KCTD9: variants seen among roughly 807,000 people sequenced by gnomAD.
The protein encoded by KCTD9 is BTB/POZ domain-containing protein KCTD9.
A neutral mutation model predicts 53.3 loss-of-function variants in KCTD9; 17 were observed. The observed-to-expected ratio is 0.32, with a 90% confidence interval of 0.22 to 0.48. The LOEUF is 0.48. Among genes scored for constraint, KCTD9 ranks in the 20% least tolerant of loss-of-function variants. The pLI, the probability that KCTD9 is intolerant of heterozygous loss-of-function variation, is 0.99. For missense variants in KCTD9, 179 were observed against 465.5 expected (o/e 0.38, Z 5.66); for synonymous variants, 128 against 162.7 (o/e 0.79, Z 1.62).
chr8:25,444,358 A>T, intron 2 of KCTD9, 23 bp from the exon 3 acceptor site: 1 of 1,602,662 alleles, frequency 6.2e-7, no homozygotes, highest in Non-Finnish European at 8.5e-7. Context: ...AAATTTAAAA[A>T]GCTACCATCA....
intron 9 of KCTD9, 45 bp downstream of exon 9, chr8:25,435,318 A>G (rs1278893035): frequency 2.8e-6 from 4 of 1,426,882 alleles, no homozygotes; most frequent in East Asian, 5.0e-5. Context: ...ACTGTTCAAT[A>G]GACTAAACAT....
intron 1 of KCTD9, among the ~76,000 whole-genome samples, chr8:25,456,756 A>G (rs1802442673): frequency 6.6e-6 from 1 of 152,216 alleles, no homozygotes; most frequent in African/African-American, 2.4e-5. Context: ...ATTTTTGACA[A>G]CCAAATTGAG....
intron 5 of KCTD9, 24 bp downstream of exon 5, chr8:25,439,582 G>A: frequency 6.2e-7 from 1 of 1,612,850 alleles, no homozygotes; most frequent in Non-Finnish European, 8.5e-7. Flanking sequence ...AAGATGAAAT[G>A]TGAAAACAAC....
At chr8:25,448,029 G>A (rs1331771699) in intron 1 of KCTD9, among the ~76,000 whole-genome samples, 3 of 152,038 alleles carry the variant, frequency 2.0e-5, no homozygotes, top group Admixed American at 1.3e-4. Flanking sequence ...TTGGGAGGCC[G>A]AGATGGGAGG....
chr8:25,451,893 CT>C (rs1362137522), intron 1 of KCTD9, among the ~76,000 whole-genome samples: 1 of 152,084 alleles, frequency 6.6e-6, no homozygotes, highest in Non-Finnish European at 1.5e-5. Context: ...TTTATTGCCA[CT>C]TTAATCAATC....
At chr8:25,432,220 T>C (rs1025347955) in intron 11 of KCTD9, among the ~76,000 whole-genome samples, 2 of 152,242 alleles carry the variant, frequency 1.3e-5, no homozygotes, top group African/African-American at 4.8e-5. Context: ...GGATATCATT[T>C]AAATTTCTCA....
intron 1 of KCTD9, among the ~76,000 whole-genome samples, chr8:25,448,203 AG>A (rs1802252284): frequency 7.5e-6 from 1 of 134,070 alleles, no homozygotes; most frequent in Non-Finnish European, 1.6e-5. Context: ...CAAAGCGAGA[AG>A]AGAAGAGACA....
chr8:25,433,903 G>A (rs1007705213), intron 9 of KCTD9, among the ~76,000 whole-genome samples: 4 of 152,050 alleles, frequency 2.6e-5, no homozygotes, highest in African/African-American at 9.7e-5. Flanking sequence ...TGCTACTACT[G>A]CCCTCAAGTC....
intron 1 of KCTD9, chr8:25,450,325 G>A (rs1802295153): frequency 1.2e-5 from 12 of 985,110 alleles, no homozygotes; most frequent in Admixed American, 6.1e-5. Flanking sequence ...CACTAAAGAA[G>A]TACATTCCTG....
rs749164280 is a variant in KCTD9 at position 25,435,461 on chromosome 8, T to C, written c.715A>G (p.Asn239Asp). The C allele has an allele frequency of 6.2e-7, 1 of 1,611,252 alleles. No homozygotes were observed. The highest frequency in any genetic ancestry group is 8.5e-7 in the Non-Finnish European group (1 of 1,178,716). ...DLSRLDLRYI[N>D]FKMANLSRCN... ...CGGCTTAAATTGGCCATTTTGAAGT[T>C]AATGTATCGAAGGTCCAAACGAGAA... The change falls in exon 9 of 12, where the codon AAC (asparagine) becomes GAC (aspartate). Residue 239 changes from asparagine (N) to aspartate (D), a missense_variant. Asn to Asp is a conservative substitution (Grantham distance 23). This residue lies in a region of KCTD9 where 32 missense variants were observed against 55.7 expected (regional missense o/e 0.57). Transcript: ENST00000221200.
chr8:25,429,820 T>C lies in KCTD9; in HGVS notation c.*37A>G. The C allele has an allele frequency of 9.9e-7, 1 of 1,010,932 alleles. No individual in the cohort carries two copies. Among genetic ancestry groups the C allele is most frequent in the Non-Finnish European group, 1.6e-6 (1 of 631,892 alleles). 62.6% of individuals were successfully genotyped at this position (1,010,932 alleles called of 1,614,324 possible). A position where few individuals can be genotyped will look rare whatever the true frequency, so the allele number is the denominator to read the frequency against. On this transcript the variant is annotated 3_prime_UTR_variant, in exon 12 of 12. Transcript: ENST00000221200. The stretch of plus-strand genomic sequence containing the variant: ...GAAAGAAAAGTGATAAGGAAAACAT[T>C]TTCATCTTTTACATCTTCCTCCAGC...
At chr8:25,447,334 C>A (rs1237276534) in intron 1 of KCTD9, among the ~76,000 whole-genome samples, 1 of 152,118 alleles carries the variant, frequency 6.6e-6, no homozygotes, top group African/African-American at 2.4e-5. Flanking sequence ...TTGCAGTGAG[C>A]CAAGGTTGCA....
At chr8:25,446,915 G>A (rs1006242416) in intron 1 of KCTD9, among the ~76,000 whole-genome samples, 1 of 152,144 alleles carries the variant, frequency 6.6e-6, no homozygotes, top group African/African-American at 2.4e-5. Context: ...GAATTGATGT[G>A]TCCTGCTGTG....
intron 8 of KCTD9, 60 bp from the exon 9 acceptor site, chr8:25,435,572 A>T: frequency 6.7e-7 from 1 of 1,484,934 alleles, no homozygotes; most frequent in African/African-American, 1.4e-5. Context: ...ATTAAATTTA[A>T]TTACTATAGC....
chr8:25,437,623 A>G (rs983149205), intron 6 of KCTD9, among the ~76,000 whole-genome samples: 3 of 152,058 alleles, frequency 2.0e-5, no homozygotes, highest in African/African-American at 7.3e-5. Flanking sequence ...CCTTACAGTG[A>G]GCCGAGATCG....
chr8:25,434,980 T>C (rs991563779), intron 9 of KCTD9, among the ~76,000 whole-genome samples: 2 of 152,206 alleles, frequency 1.3e-5, no homozygotes, highest in Admixed American at 6.5e-5. Flanking sequence ...CAAATACTTC[T>C]TGAGCAGTAA....
At chr8:25,446,324 C>T (rs1802213337) in intron 1 of KCTD9, 74 bp from the exon 2 acceptor site, 1 of 1,493,826 alleles carries the variant, frequency 6.7e-7, no homozygotes, top group Non-Finnish European at 9.2e-7. Flanking sequence ...AACTACCACA[C>T]TAGAACAGTG....
intron 1 of KCTD9, among the ~76,000 whole-genome samples, chr8:25,456,203 C>A (rs1477567297): frequency 6.6e-6 from 1 of 152,148 alleles, no homozygotes; most frequent in African/African-American, 2.4e-5. Context: ...AGAGATTATT[C>A]TTATAACCAG....
rs755931641 is a variant in KCTD9 at position 25,429,808 on chromosome 8, T to A, written c.*49A>T. ...TGAGTGGGTGGAGAAAGAAAAGTGA[T>A]AAGGAAAACATTTTCATCTTTTACA... On this transcript the variant is annotated 3_prime_UTR_variant, in exon 12 of 12. Transcript: ENST00000221200. 2.2e-6 allele frequency: 2 copies of A among 915,572 alleles called. No individual in the cohort carries two copies. The highest frequency in any genetic ancestry group is 3.5e-5 in the Admixed American group (2 of 57,350). The allele number at this position is 915,572 out of a possible 1,614,324, so 56.7% of individuals were successfully genotyped here. A position where few individuals can be genotyped will look rare whatever the true frequency, so the allele number is the denominator to read the frequency against.
Sources: gnomAD v4.1 joint callset for allele counts (sites outside exome capture counted in the v4.1 genomes callset) on GRCh38, gnomAD v4.1.1 for gene constraint, gnomAD v4.1.1 regional missense constraint, MANE v1.5 for transcripts, NCBI Gene and HGNC (gene_info 2026-07-23, HGNC 2026-07-21) for gene names.